The following CNTNAP5 variants were observed in gnomAD, a reference collection of about 807,000 sequenced individuals.
CNTNAP5 encodes the protein contactin-associated protein-like 5.
A neutral mutation model predicts 150.2 loss-of-function variants in CNTNAP5; 72 were observed. That is an observed-to-expected ratio of 0.48 (90% confidence interval 0.40 to 0.58). The LOEUF (loss-of-function observed/expected upper bound fraction) is 0.58, where lower values mean the gene tolerates loss of function less well. Among genes scored for constraint, CNTNAP5 ranks in the 20% least tolerant of loss-of-function variants. CNTNAP5 has a pLI of 0.00. For synonymous variants in CNTNAP5, 672 were observed against 619.8 expected, an observed-to-expected ratio of 1.08 and a Z score of -1.25; for missense variants, 1,636 against 1,626.2, an observed-to-expected ratio of 1.01 and a Z score of -0.10.
chr2:124,183,608 A>T (rs1231378458), intron 1 of CNTNAP5, among the ~76,000 whole-genome samples: 1 of 152,208 alleles, frequency 6.6e-6, no homozygotes, highest in African/African-American at 2.4e-5. Flanking sequence ...GTCCTTTCTT[A>T]TTTGGCAAAC....
intron 13 of CNTNAP5, among the ~76,000 whole-genome samples, chr2:124,686,936 AC>A (rs954500318): frequency 5.9e-5 from 9 of 152,138 alleles, no homozygotes; most frequent in African/African-American, 2.2e-4. Flanking sequence ...ACTTCCTGAA[AC>A]GGTAGAAATG....
intron 11 of CNTNAP5, among the ~76,000 whole-genome samples, chr2:124,580,160 G>A (rs145851618): frequency 6.6e-6 from 1 of 152,274 alleles, no homozygotes; most frequent in African/African-American, 2.4e-5. Context: ...TAAGTACATT[G>A]ACAATGGTGA....
At position 124,746,952 on chromosome 2, in the gene CNTNAP5, A is replaced by G. The variant is rs183355114; in HGVS notation, c.2078-277A>G. On this transcript the variant is annotated intron_variant, in intron 13 of 23. Coordinates refer to ENST00000682447, the MANE Select transcript of CNTNAP5 (RefSeq NM_001367498.1). Reference sequence around the variant, plus strand: ...TTTATATGTGTACATATATGGGCACATATAGATGTAGAAATACAAATTTAA... The same window carrying G: ...TTTATATGTGTACATATATGGGCACGTATAGATGTAGAAATACAAATTTAA... Among the ~76,000 whole-genome samples, 70 of 151,060 alleles carry G rather than the reference A, an allele frequency of 4.6e-4. 2 individuals carry two copies. In the East Asian group the frequency reaches 0.012, roughly 26 times the overall value.
chr2:124,195,593 C>G (rs148751145), intron 1 of CNTNAP5, among the ~76,000 whole-genome samples: 88 of 152,184 alleles, frequency 5.8e-4, no homozygotes, highest in Non-Finnish European at 1.1e-3. Context: ...TCCTGTATAT[C>G]CCAATTCCTT....
intron 5 of CNTNAP5, among the ~76,000 whole-genome samples, chr2:124,441,202 A>T (rs971036447): frequency 6.6e-6 from 1 of 152,106 alleles, no homozygotes; most frequent in African/African-American, 2.4e-5. Context: ...ATTTATCCAT[A>T]TGTGCTCCTT....
At chr2:124,436,937 T>C (rs189430930) in intron 5 of CNTNAP5, among the ~76,000 whole-genome samples, 12 of 152,282 alleles carry the variant, frequency 7.9e-5, no homozygotes, top group African/African-American at 2.6e-4. Context: ...CCTAGGATAC[T>C]TCTTAAATAG....
At chr2:124,796,232 G>A (rs1681843255) in intron 18 of CNTNAP5, among the ~76,000 whole-genome samples, 1 of 152,042 alleles carries the variant, frequency 6.6e-6, no homozygotes, top group Admixed American at 6.6e-5. Context: ...TCAATTTATT[G>A]TCTTAAGTAT....
intron 3 of CNTNAP5, among the ~76,000 whole-genome samples, chr2:124,379,215 T>C (rs1690727758): frequency 6.6e-6 from 1 of 151,948 alleles, no homozygotes; most frequent in Non-Finnish European, 1.5e-5. Context: ...TATAAGGGTG[T>C]ACTCTTGGTG....
At position 124,797,788 on chromosome 2, in the gene CNTNAP5, A is replaced by C. The variant is rs192295438; in HGVS notation, c.2993-308A>C. ...TTGCTTCTCAGGAAATTAGCCAGGCAAGTGGTCATTATTTTGCAGATGTAT... is the reference window on the plus strand; with the variant it reads ...TTGCTTCTCAGGAAATTAGCCAGGCCAGTGGTCATTATTTTGCAGATGTAT... On this transcript the variant is annotated intron_variant, in intron 18 of 23. Coordinates refer to ENST00000682447, the MANE Select transcript of CNTNAP5 (RefSeq NM_001367498.1). Among the ~76,000 whole-genome samples the C allele has an allele frequency of 2.0e-3, 303 of 152,334 alleles. 3 individuals are homozygous for C. The highest frequency in any genetic ancestry group is 3.4e-3 in the Non-Finnish European group (230 of 68,034).
intron 13 of CNTNAP5, among the ~76,000 whole-genome samples, chr2:124,739,662 C>T (rs1348200689): frequency 6.6e-6 from 1 of 152,160 alleles, no homozygotes; most frequent in African/African-American, 2.4e-5. Flanking sequence ...CTAAAGACGA[C>T]TGCGGTGAAA....
chr2:124,309,339 T>C (rs556873652), intron 3 of CNTNAP5, among the ~76,000 whole-genome samples: 2 of 152,110 alleles, frequency 1.3e-5, no homozygotes, highest in Non-Finnish European at 2.9e-5. Flanking sequence ...TGAGTATTGA[T>C]TTACAGAGCC....
intron 1 of CNTNAP5, among the ~76,000 whole-genome samples, chr2:124,160,084 C>A (rs1684640342): frequency 6.6e-6 from 1 of 152,106 alleles, no homozygotes; most frequent in South Asian, 2.1e-4. Context: ...GAAATCGATT[C>A]ACATGATTAT....
chr2:124,227,640 ATGTGTGTGTG>A lies in CNTNAP5; in HGVS notation c.187+5861_187+5870del, dbSNP rs200129722. On this transcript the variant is annotated intron_variant, in intron 2 of 23. Coordinates refer to ENST00000682447, the MANE Select transcript of CNTNAP5 (RefSeq NM_001367498.1). ...AATATAAACTCAGCACATCGTGTGT[ATGTGTGTGTG>A]TGTGTGTGTGTGTGTGTGTGTGTGT... Among the ~76,000 whole-genome samples the A allele has an allele frequency of 2.9e-4, 41 of 143,418 alleles. 1 individual carries two copies. Among genetic ancestry groups the A allele is most frequent in the African/African-American group, 9.6e-4 (36 of 37,520 alleles). 94.1% of individuals were successfully genotyped at this position (143,418 alleles called of 152,430 possible).
intron 18 of CNTNAP5, among the ~76,000 whole-genome samples, chr2:124,795,820 GTGTT>G (rs1478042050): frequency 6.6e-6 from 1 of 151,984 alleles, no homozygotes; most frequent in Non-Finnish European, 1.5e-5. Context: ...CCTGGCCCAG[GTGTT>G]TGTTTTTTTT....
intron 3 of CNTNAP5, among the ~76,000 whole-genome samples, chr2:124,310,512 C>A (rs145660215): frequency 6.6e-6 from 1 of 152,236 alleles, no homozygotes; most frequent in Admixed American, 6.5e-5. Flanking sequence ...TCCTCTAATG[C>A]CCCCTTTCCC....
rs576863022 is a variant in CNTNAP5 at position 124,104,593 on chromosome 2, A to G, written c.82+78861A>G. Among the ~76,000 whole-genome samples, 8 of 152,272 alleles carry G rather than the reference A, an allele frequency of 5.3e-5. No homozygotes were observed. The South Asian group carries it at 1.7e-3, about 32-fold the overall frequency. ...TTCCCGACTGTCAAATCCAATGAAC[A>G]TTTTTTAGTCCTATATCGTATAGTG... On this transcript the variant is annotated intron_variant, in intron 1 of 23. Transcript: ENST00000682447.
chr2:124,546,209 C>T (rs987656), intron 10 of CNTNAP5, among the ~76,000 whole-genome samples: 119,573 of 152,108 alleles, frequency 0.79, 47,533 homozygotes, highest in East Asian at 0.97. Flanking sequence ...CATCATAATA[C>T]AGGCTCATCT....
At chr2:124,765,596 A>G (rs1681051407) in intron 16 of CNTNAP5, among the ~76,000 whole-genome samples, 1 of 152,212 alleles carries the variant, frequency 6.6e-6, no homozygotes, top group Non-Finnish European at 1.5e-5. Context: ...TTTGAAGTTT[A>G]TATATACATT....
Position 124,400,683 on chromosome 2 carries a change from T to TTG in CNTNAP5, c.382-16759_382-16758insGT, listed in dbSNP as rs534049847. Among the ~76,000 whole-genome samples, 669 of 124,710 alleles carry TTG rather than the reference T, an allele frequency of 5.4e-3. 5 individuals carry two copies. Among genetic ancestry groups the TTG allele is most frequent in the African/African-American group, 0.017 (638 of 37,316 alleles). 81.8% of individuals were successfully genotyped at this position (124,710 alleles called of 152,430 possible). ...ATAAAGGCATTGTTTTTTTTTTTTT[T>TTG]TTTTTGTTTTTTTTCTTTAGTGGAA... On this transcript the variant is annotated intron_variant, in intron 3 of 23. Transcript: ENST00000682447.
Sources: allele counts gnomAD v4.1 joint callset (sites outside exome capture counted in the v4.1 genomes callset), GRCh38; gene constraint gnomAD v4.1.1; transcripts MANE v1.5; gene names NCBI Gene and HGNC (gene_info 2026-07-23, HGNC 2026-07-21).